PCSK5: variants seen among roughly 807,000 people sequenced by gnomAD.
PCSK5 encodes the protein proprotein convertase subtilisin/kexin type 5.
A neutral mutation model predicts 233.2 loss-of-function variants in PCSK5; 129 were observed. The observed-to-expected ratio is 0.55, with a 90% CI of 0.48 to 0.64. The LOEUF (loss-of-function observed/expected upper bound fraction) is 0.64. Ranked by LOEUF, PCSK5 falls within the 30% of genes least tolerant of loss-of-function variation. The probability of loss-of-function intolerance (pLI) is 0.00; values close to 1 mark genes in which losing one functional copy is unlikely to be tolerated. For synonymous variants in PCSK5, 825 were observed against 879.2 expected (o/e 0.94, Z 1.09); for missense variants, 2,076 against 2,430.1 (o/e 0.85, Z 3.06).
At chr9:76,208,909 C>T (rs913729056) in intron 20 of PCSK5, among the ~76,000 whole-genome samples, 1 of 152,170 alleles carries the variant, frequency 6.6e-6, no homozygotes, top group African/African-American at 2.4e-5. Flanking sequence ...CACTTTACCT[C>T]CTGAAACTTA....
At chr9:76,054,142 A>G (rs1439762232) in intron 5 of PCSK5, among the ~76,000 whole-genome samples, 1 of 152,118 alleles carries the variant, frequency 6.6e-6, no homozygotes, top group Non-Finnish European at 1.5e-5. Flanking sequence ...TGCATGGGAA[A>G]AACCCACCCC....
rs747403628 is a variant in PCSK5 at position 76,358,610 on chromosome 9, C to T, written c.5352C>T (p.Leu1784=). 26 of 1,612,636 alleles carry T rather than the reference C, an allele frequency of 1.6e-5. No homozygotes were observed. Among genetic ancestry groups the T allele is most frequent in the East Asian group, 1.3e-4 (6 of 44,884 alleles). ...ITSSMMLVLL[L]GAAVVVWKKS... is the part of the protein sequence containing the mutation. ...CCTCCATGATGCTGGTGCTTCTGCTCGGGGCAGCTGTGGTAGTGTGGAAGA... is the reference window on the plus strand; with the variant it reads ...CCTCCATGATGCTGGTGCTTCTGCTTGGGGCAGCTGTGGTAGTGTGGAAGA... The change falls in exon 38 of 38, where the codon CTC becomes CTT. Residue 1784 remains leucine, a synonymous_variant. Transcript: ENST00000674117.
intron 9 of PCSK5, among the ~76,000 whole-genome samples, chr9:76,129,079 G>A (rs1264520842): frequency 6.6e-6 from 1 of 152,092 alleles, no homozygotes; most frequent in Non-Finnish European, 1.5e-5. Flanking sequence ...TCATACACTA[G>A]CTGCAATCAG....
At chr9:76,018,087 G>A (rs987840387) in intron 3 of PCSK5, among the ~76,000 whole-genome samples, 2 of 151,522 alleles carry the variant, frequency 1.3e-5, no homozygotes, top group African/African-American at 4.9e-5. Context: ...TAGTTCCCAA[G>A]TACTGAGAAG....
chr9:76,174,334 T>A (rs1007176611), intron 13 of PCSK5, among the ~76,000 whole-genome samples: 10 of 148,062 alleles, frequency 6.8e-5, no homozygotes, highest in African/African-American at 1.0e-4. Flanking sequence ...TGAGATGGAG[T>A]GTTGCCCTGT....
chr9:76,295,203 A>C, intron 25 of PCSK5, 72 bp from the exon 26 acceptor site: 8 of 1,341,510 alleles, frequency 6.0e-6, no homozygotes, highest in Non-Finnish European at 8.3e-6. Flanking sequence ...GACATACATA[A>C]GGAGATTAAA....
chr9:76,289,383 G>C (rs1376401472), intron 24 of PCSK5, among the ~76,000 whole-genome samples: 2 of 151,580 alleles, frequency 1.3e-5, no homozygotes, highest in Non-Finnish European at 2.9e-5. Context: ...AATCACCCGA[G>C]CTATTTAAAC....
At chr9:76,177,861 A>G (rs1175761956) in intron 14 of PCSK5, among the ~76,000 whole-genome samples, 2 of 152,230 alleles carry the variant, frequency 1.3e-5, no homozygotes, top group Non-Finnish European at 2.9e-5. Context: ...CATCTGGGAC[A>G]GTTTAAGATG....
intron 4 of PCSK5, 25 bp downstream of exon 4, chr9:76,023,906 G>A (rs751751699): frequency 6.4e-7 from 1 of 1,568,228 alleles, no homozygotes; most frequent in Non-Finnish European, 8.6e-7. Context: ...TGGTTAGAAG[G>A]TCTTTCCTTC....
chr9:76,115,339 A>C (rs1354657105), intron 9 of PCSK5, among the ~76,000 whole-genome samples: 1 of 152,152 alleles, frequency 6.6e-6, no homozygotes, highest in African/African-American at 2.4e-5. Flanking sequence ...TGACTGAGAC[A>C]GTTCCCATTT....
chr9:76,281,430 G>A (rs1433548825), intron 24 of PCSK5, among the ~76,000 whole-genome samples: 7 of 152,156 alleles, frequency 4.6e-5, no homozygotes, highest in African/African-American at 9.7e-5. Context: ...AAACAAGGCC[G>A]GGTTCAGCAC....
At chr9:76,251,789 G>C (rs1826816229) in intron 24 of PCSK5, among the ~76,000 whole-genome samples, 1 of 151,882 alleles carries the variant, frequency 6.6e-6, no homozygotes, top group African/African-American at 2.4e-5. Context: ...TTCAGCTGAA[G>C]ACATAAAGGT....
intron 7 of PCSK5, among the ~76,000 whole-genome samples, chr9:76,075,884 G>A (rs994476381): frequency 6.6e-6 from 1 of 152,124 alleles, no homozygotes; most frequent in Admixed American, 6.5e-5. Flanking sequence ...GTAGATAAAG[G>A]GGTGAAAAAG....
chr9:76,351,529 A>AAAGAAAGG (rs1554724839), intron 36 of PCSK5, among the ~76,000 whole-genome samples: 22 of 108,692 alleles, frequency 2.0e-4, no homozygotes, highest in African/African-American at 7.1e-4. Context: ...AGAAAGAAAG[A>AAAGAAAGG]AAGGAAGGAA....
At chr9:76,054,394 T>C (rs1829747662) in intron 5 of PCSK5, among the ~76,000 whole-genome samples, 1 of 152,224 alleles carries the variant, frequency 6.6e-6, no homozygotes, top group Admixed American at 6.5e-5. Flanking sequence ...GCATAATTTT[T>C]TGTGTTGTTT....
At chr9:76,257,387 T>C (rs1404629930) in intron 24 of PCSK5, among the ~76,000 whole-genome samples, 1 of 152,202 alleles carries the variant, frequency 6.6e-6, no homozygotes, top group Non-Finnish European at 1.5e-5. Flanking sequence ...TGCATGTTGA[T>C]ACCCAGCTGC....
chr9:76,233,421 G>A, intron 21 of PCSK5, 39 bp from the exon 22 acceptor site: 1 of 1,609,292 alleles, frequency 6.2e-7, no homozygotes, highest in Non-Finnish European at 8.5e-7. Context: ...ACTCTGGAAA[G>A]TCACCCTGAT....
chr9:76,105,081 G>A (rs950410542), intron 8 of PCSK5, among the ~76,000 whole-genome samples: 3 of 152,188 alleles, frequency 2.0e-5, no homozygotes, highest in African/African-American at 7.2e-5. Flanking sequence ...GAGAGATTGC[G>A]GCACCCCCAT....
rs544079480 is a variant in PCSK5, at chr9:76,210,390, C to T, written c.2627-17113C>T. 8.5e-5 allele frequency among the ~76,000 whole-genome samples: 13 copies of T among 152,312 alleles called. No individual in the cohort carries two copies. The South Asian group carries it at 1.9e-3, about 22-fold the overall frequency. On this transcript the variant is annotated intron_variant, in intron 20 of 37. Transcript: ENST00000674117. ...TGAGGACAACTCCCGGGGGTCAGTTCGCTCCCTCTTCTGGCCTGCCATGTG... is the reference window on the plus strand; with the variant it reads ...TGAGGACAACTCCCGGGGGTCAGTTTGCTCCCTCTTCTGGCCTGCCATGTG...
Sources: gnomAD v4.1 joint callset for allele counts (sites outside exome capture counted in the v4.1 genomes callset) on GRCh38, gnomAD v4.1.1 for gene constraint, MANE v1.5 for transcripts, NCBI Gene and HGNC (gene_info 2026-07-23, HGNC 2026-07-21) for gene names.